Variants in CABP1 observed in about 807,000 individuals in gnomAD.
The protein encoded by CABP1 is calcium-binding protein 1.
CABP1 carries 17 observed loss-of-function variants against 34.3 expected under a neutral mutation model. That is an observed-to-expected ratio of 0.50 (90% CI 0.34 to 0.74). CABP1 has a LOEUF of 0.74. CABP1 is among the 30% of genes least tolerant of loss of function. The probability of loss-of-function intolerance (pLI) is 0.01; values close to 1 mark genes in which losing one functional copy is unlikely to be tolerated. For synonymous variants in CABP1, 198 were observed against 229.2 expected (o/e 0.86, Z 1.23); for missense variants, 373 against 511.1 (o/e 0.73, Z 2.61).
At chr12:120,655,792 T>C (rs1201657328) in intron 1 of CABP1, 1 of 1,503,070 alleles carries the variant, frequency 6.7e-7, no homozygotes, top group Admixed American at 2.0e-5. Flanking sequence ...CACTTGGGTG[T>C]GTGATTCTGT....
At chr12:120,663,121 G>A (rs973714690) in intron 5 of CABP1, among the ~76,000 whole-genome samples, 6 of 152,174 alleles carry the variant, frequency 3.9e-5, no homozygotes, top group South Asian at 2.1e-4. Flanking sequence ...TTCACAGCAC[G>A]TCAGGCTCAC....
Position 120,667,263 on chromosome 12 carries a change from G to A in CABP1, c.*363G>A, listed in dbSNP as rs1256962281. The A allele has an allele frequency of 1.2e-5, 5 of 400,148 alleles. No homozygotes were observed. The highest frequency in any genetic ancestry group is 2.3e-5 in the Non-Finnish European group (5 of 217,520). The allele number at this position is 400,148 out of a possible 1,614,324, so 24.8% of individuals were successfully genotyped here. A position where few individuals can be genotyped will look rare whatever the true frequency, so the allele number is the denominator to read the frequency against. On this transcript the variant is annotated 3_prime_UTR_variant, in exon 6 of 6. Coordinates refer to ENST00000316803, the MANE Select transcript of CABP1 (RefSeq NM_001033677.2). The stretch of plus-strand genomic sequence containing the variant: ...GCAAAGCCTCCCACCTTCGCTCTGC[G>A]CCCGTCCCAGCTCGCCTCAGCCCTG...
At chr12:120,644,107 G>A (rs1330618289) in intron 1 of CABP1, among the ~76,000 whole-genome samples, 1 of 152,224 alleles carries the variant, frequency 6.6e-6, no homozygotes, top group Admixed American at 6.5e-5. Context: ...AGAGATGCAA[G>A]TTCTAATCCT....
chr12:120,645,599 G>A (rs890143758), intron 1 of CABP1, among the ~76,000 whole-genome samples: 17 of 152,156 alleles, frequency 1.1e-4, no homozygotes, highest in African/African-American at 3.9e-4. Flanking sequence ...GGAAGCCAAG[G>A]TGGGTGGATC....
At chr12:120,652,660 G>C (rs1258165089) in intron 1 of CABP1, among the ~76,000 whole-genome samples, 1 of 152,166 alleles carries the variant, frequency 6.6e-6, no homozygotes, top group Non-Finnish European at 1.5e-5. Context: ...AAGTCGTCTA[G>C]TCCAAATTCC....
At chr12:120,680,151 C>T in the CABP1 span, among the ~76,000 whole-genome samples, 4 of 152,162 alleles carry the variant, frequency 2.6e-5, no homozygotes, top group Non-Finnish European at 5.9e-5. Flanking sequence ...CCAACCTGGG[C>T]AACAGAGTAA....
chr12:120,679,784 G>A, the CABP1 span, among the ~76,000 whole-genome samples: 2 of 151,940 alleles, frequency 1.3e-5, no homozygotes, highest in African/African-American at 2.4e-5. Flanking sequence ...TTGAGATCGC[G>A]CCATTGCACT....
chr12:120,644,666 C>T (rs1168067), intron 1 of CABP1, among the ~76,000 whole-genome samples: 56,250 of 152,044 alleles, frequency 0.37, 11,142 homozygotes, highest in Non-Finnish European at 0.44. Context: ...TGTAGAAACA[C>T]GTCTCCTAAT....
intron 1 of CABP1, among the ~76,000 whole-genome samples, chr12:120,652,695 C>A (rs555379): frequency 0.35 from 53,430 of 151,996 alleles, 10,386 homozygotes; most frequent in Non-Finnish European, 0.44. Context: ...GTCCCCTCCC[C>A]GCTCACCAGG....
intron 1 of CABP1, among the ~76,000 whole-genome samples, chr12:120,651,180 AAAC>A (rs57590831): frequency 0.76 from 115,864 of 151,714 alleles, 44,825 homozygotes; most frequent in African/African-American, 0.89. Flanking sequence ...GAAAGGAACC[AAAC>A]AACAATAATT....
chr12:120,655,791 G>A (rs1429533511), intron 1 of CABP1: 25 of 1,502,916 alleles, frequency 1.7e-5, no homozygotes, highest in Non-Finnish European at 2.0e-5. Context: ...GCACTTGGGT[G>A]TGTGATTCTG....
chr12:120,644,422 G>A (rs570300897), intron 1 of CABP1, among the ~76,000 whole-genome samples: 66 of 152,304 alleles, frequency 4.3e-4, no homozygotes, highest in African/African-American at 1.3e-3. Flanking sequence ...AGGATCTTCC[G>A]TACTCCCTCT....
At chr12:120,668,300 C>T (rs1359404983), downstream of CABP1, among the ~76,000 whole-genome samples, 1 of 152,182 alleles carries the variant, frequency 6.6e-6, no homozygotes, top group East Asian at 1.9e-4. Context: ...GAGTTCAAGA[C>T]TAACCTGACC....
chr12:120,676,720 C>T, the CABP1 span, among the ~76,000 whole-genome samples: 1 of 152,184 alleles, frequency 6.6e-6, no homozygotes, highest in Non-Finnish European at 1.5e-5. Flanking sequence ...AGCCACCGCA[C>T]CCGGTCAGCT....
rs545300405 is a variant in CABP1 at position 120,647,602 on chromosome 12, CTG to C, written c.654+6265_654+6266del. Among the ~76,000 whole-genome samples the C allele has an allele frequency of 2.6e-3, 345 of 134,374 alleles. 2 individuals carry two copies. The highest frequency in any genetic ancestry group is 9.9e-3 in the African/African-American group (335 of 33,722). The allele number at this position is 134,374 out of a possible 152,430, so 88.2% of individuals were successfully genotyped here. A position where few individuals can be genotyped will look rare whatever the true frequency, so the allele number is the denominator to read the frequency against. ...TTTTTTTTTGAGATGAAGTCTCACTCTGTCGCTCAGCCTGGAGTGCAATGACG... is the reference window on the plus strand; with the variant it reads ...TTTTTTTTTGAGATGAAGTCTCACTCTCGCTCAGCCTGGAGTGCAATGACG... On this transcript the variant is annotated intron_variant, in intron 1 of 5. Coordinates refer to ENST00000316803, the MANE Select transcript of CABP1 (RefSeq NM_001033677.2).
intron 1 of CABP1, among the ~76,000 whole-genome samples, chr12:120,652,898 C>G (rs1350048398): frequency 1.3e-5 from 2 of 152,120 alleles, no homozygotes; most frequent in Non-Finnish European, 2.9e-5. Flanking sequence ...GGGTTGCTGC[C>G]CACTTGGCTT....
At chr12:120,658,084 C>T (rs1880357477) in intron 1 of CABP1, among the ~76,000 whole-genome samples, 1 of 146,540 alleles carries the variant, frequency 6.8e-6, no homozygotes, top group African/African-American at 2.5e-5. Flanking sequence ...GGCACCATCA[C>T]CAGCTTTTTT....
chr12:120,674,660 G>C, the CABP1 span, among the ~76,000 whole-genome samples: 4 of 152,116 alleles, frequency 2.6e-5, no homozygotes, highest in Non-Finnish European at 5.9e-5. Context: ...AGGCCAAGGC[G>C]GGTGGATCAC....
At position 120,661,411 on chromosome 12, in the gene CABP1, A is replaced by C. The variant is rs1880623586; in HGVS notation, c.1087+193A>C. The C allele has an allele frequency of 1.7e-6, 1 of 587,832 alleles. No individual in the cohort carries two copies. The highest frequency in any genetic ancestry group is 3.2e-5 in the Admixed American group (1 of 30,832). The allele number at this position is 587,832 out of a possible 1,614,324, so 36.4% of individuals were successfully genotyped here. ...CCCTTCCCCATGCATCTATTCATGC[A>C]TCTGTCCATCCATCTATCCATCCTC... On this transcript the variant is annotated intron_variant, in intron 5 of 5. Transcript: ENST00000316803. The surrounding 1 kb of genome is among the most constrained non-coding windows in gnomAD (Gnocchi z 5.1).
Sources: allele counts gnomAD v4.1 joint callset (sites outside exome capture counted in the v4.1 genomes callset), GRCh38; gene constraint gnomAD v4.1.1; non-coding constraint Gnocchi (gnomAD v3.1); transcripts MANE v1.5; gene names NCBI Gene and HGNC (gene_info 2026-07-23, HGNC 2026-07-21).